Variants in PAM observed in about 807,000 individuals in gnomAD.
The protein encoded by PAM is peptidyl-glycine alpha-amidating monooxygenase.
Under a neutral mutation model 122.1 loss-of-function variants are expected in PAM, and 72 were observed. That is an observed-to-expected ratio of 0.59 (90% CI 0.49 to 0.72). PAM has a LOEUF of 0.72. Ranked by LOEUF, PAM falls within the 30% of genes least tolerant of loss-of-function variation. The pLI is 0.00. For missense variants in PAM, 1,106 were observed against 1,183.7 expected (o/e 0.93, Z 0.96); for synonymous variants, 389 against 404.4 (o/e 0.96, Z 0.46).
intron 1 of PAM, among the ~76,000 whole-genome samples, chr5:102,782,723 C>CTGTGTGTGTGTG (rs1213041689): frequency 1.1e-4 from 16 of 143,700 alleles, no homozygotes; most frequent in African/African-American, 3.5e-4. Context: ...CTCTCTCTCT[C>CTGTGTGTGTGTG]TCTGTGTGTG....
intron 1 of PAM, among the ~76,000 whole-genome samples, chr5:102,763,153 C>T (rs767415446): frequency 6.6e-6 from 1 of 152,172 alleles, no homozygotes; most frequent in Non-Finnish European, 1.5e-5. Flanking sequence ...CCATGATTAT[C>T]CAGTAGATAG....
At chr5:102,951,172 G>C (rs116440179) in intron 12 of PAM, among the ~76,000 whole-genome samples, 1 of 151,768 alleles carries the variant, frequency 6.6e-6, no homozygotes, top group South Asian at 2.1e-4. Flanking sequence ...CTGTGTTCAC[G>C]GGGTCTACAT....
intron 3 of PAM, among the ~76,000 whole-genome samples, chr5:102,890,309 G>T (rs1054429545): frequency 3.3e-5 from 5 of 151,878 alleles, no homozygotes; most frequent in African/African-American, 1.2e-4. Flanking sequence ...ATGAGGAAAT[G>T]TGAGGTTGAT....
chr5:102,865,053 C>T (rs1785146578), intron 1 of PAM, among the ~76,000 whole-genome samples: 1 of 152,124 alleles, frequency 6.6e-6, no homozygotes, highest in Non-Finnish European at 1.5e-5. Flanking sequence ...CTAAGATTCT[C>T]CCTACTCTTT....
chr5:102,839,693 G>A (rs1249637047), intron 1 of PAM, among the ~76,000 whole-genome samples: 1 of 152,116 alleles, frequency 6.6e-6, no homozygotes, highest in East Asian at 1.9e-4. Flanking sequence ...ATGTATCATA[G>A]CCAAAGAAAT....
In PAM at chr5:102,907,424, A is replaced by G. The variant is rs550321009; in HGVS notation, c.268+6011A>G. 4.0e-5 allele frequency among the ~76,000 whole-genome samples: 6 copies of G among 151,566 alleles called. No individual in the cohort carries two copies. The East Asian group carries it at 9.8e-4, about 25-fold the overall frequency. ...CTTTGCTATTGTGAATAGTGCCGCA[A>G]TAAACATACGTGTGCTTGTGTCTTT... On this transcript the variant is annotated intron_variant, in intron 4 of 25. Transcript: ENST00000438793.
chr5:102,838,266 A>G (rs1447934541), intron 1 of PAM: 1 of 152,208 alleles, frequency 6.6e-6, no homozygotes, highest in Non-Finnish European at 1.5e-5. Context: ...AATAATACCA[A>G]TCTTAAAGAA....
chr5:102,947,761 A>G (rs1271103243), intron 8 of PAM, among the ~76,000 whole-genome samples: 1 of 152,174 alleles, frequency 6.6e-6, no homozygotes, highest in Non-Finnish European at 1.5e-5. Context: ...CCAGGGCATG[A>G]ATGTCACAGC....
At chr5:102,852,020 T>C (rs974340707) in intron 1 of PAM, among the ~76,000 whole-genome samples, 2 of 152,188 alleles carry the variant, frequency 1.3e-5, no homozygotes, top group Non-Finnish European at 2.9e-5. Context: ...TACAACATAT[T>C]CTTATTTTCC....
intron 16 of PAM, 138 bp downstream of exon 16, chr5:102,990,539 CT>C: frequency 1.8e-6 from 1 of 548,304 alleles, no homozygotes; most frequent in Non-Finnish European, 3.0e-6. Flanking sequence ...TGTATTTGTC[CT>C]TTTAATGTCT....
intron 1 of PAM, among the ~76,000 whole-genome samples, chr5:102,856,396 T>C (rs1782631777): frequency 6.6e-6 from 1 of 152,218 alleles, no homozygotes; most frequent in African/African-American, 2.4e-5. Context: ...TGGCATCATC[T>C]GTAGTGGTTA....
intron 12 of PAM, among the ~76,000 whole-genome samples, chr5:102,959,057 A>G (rs916693056): frequency 6.6e-6 from 1 of 152,190 alleles, no homozygotes; most frequent in African/African-American, 2.4e-5. Flanking sequence ...CATGTGAAGT[A>G]AGGAAGCAGA....
intron 15 of PAM, among the ~76,000 whole-genome samples, chr5:102,975,758 A>G (rs1767427766): frequency 6.6e-6 from 1 of 152,178 alleles, no homozygotes; most frequent in African/African-American, 2.4e-5. Flanking sequence ...GACAACATGG[A>G]AATATAAAAG....
At chr5:102,869,913 T>C (rs1786822218) in intron 3 of PAM, among the ~76,000 whole-genome samples, 1 of 146,126 alleles carries the variant, frequency 6.8e-6, no homozygotes, top group Non-Finnish European at 1.5e-5. Flanking sequence ...AGAAGGGAAA[T>C]AAGAAGAGTT....
chr5:102,865,992 T>C lies in PAM; in HGVS notation c.-204T>C. ...GACAAAAGTCCCGCCTGCCCACGGCTTTTTGCCCGCCGCTCGTGACCGAGA... is the reference window on the plus strand; with the variant it reads ...GACAAAAGTCCCGCCTGCCCACGGCCTTTTGCCCGCCGCTCGTGACCGAGA... On this transcript the variant is annotated 5_prime_UTR_variant, in exon 2 of 26. Coordinates refer to ENST00000438793, the MANE Select transcript of PAM (RefSeq NM_001177306.2). The C allele has an allele frequency of 4.4e-6, 2 of 451,580 alleles. No individual in the cohort carries two copies. Among genetic ancestry groups the C allele is most frequent in the Non-Finnish European group, 7.7e-6 (2 of 260,116 alleles). The allele number at this position is 451,580 out of a possible 1,614,324, so 28.0% of individuals were successfully genotyped here. A position where few individuals can be genotyped will look rare whatever the true frequency, so the allele number is the denominator to read the frequency against.
chr5:102,780,843 T>TTC (rs200642878), intron 1 of PAM, among the ~76,000 whole-genome samples: 7 of 137,672 alleles, frequency 5.1e-5, no homozygotes, highest in South Asian at 2.3e-4. Flanking sequence ...TTCTCTGTCT[T>TTC]TCTCTCTCTC....
chr5:102,986,136 A>G (rs1192730637), intron 15 of PAM, among the ~76,000 whole-genome samples: 1 of 152,194 alleles, frequency 6.6e-6, no homozygotes, highest in Non-Finnish European at 1.5e-5. Flanking sequence ...TACTGAATGG[A>G]GAAAAGAGGA....
chr5:103,027,106 T>C (rs1366190939), intron 24 of PAM, among the ~76,000 whole-genome samples: 1 of 152,228 alleles, frequency 6.6e-6, no homozygotes, highest in East Asian at 1.9e-4. Context: ...TTTCTGAATT[T>C]GTTCTTGATA....
intron 6 of PAM, among the ~76,000 whole-genome samples, chr5:102,926,185 C>CATGG (rs1561911238): frequency 7.2e-5 from 11 of 152,002 alleles, no homozygotes; most frequent in Admixed American, 1.3e-4. Context: ...AGCTCCGCTT[C>CATGG]CCGGGTTCAC....
Sources: allele counts gnomAD v4.1 joint callset (sites outside exome capture counted in the v4.1 genomes callset), GRCh38; gene constraint gnomAD v4.1.1; transcripts MANE v1.5; gene names NCBI Gene and HGNC (gene_info 2026-07-23, HGNC 2026-07-21).